The following PTPRN2 variants were observed in gnomAD, a reference collection of about 807,000 sequenced individuals.
PTPRN2 encodes the protein receptor-type tyrosine-protein phosphatase N2.
In PTPRN2, 74 loss-of-function variants were observed where a neutral mutation model predicts 118.8. That is an observed-to-expected ratio of 0.62 (90% CI 0.52 to 0.76). The LOEUF (loss-of-function observed/expected upper bound fraction) is 0.76, where lower values mean the gene tolerates loss of function less well. Among genes scored for constraint, PTPRN2 ranks in the 30% least tolerant of loss-of-function variants. The probability of loss-of-function intolerance (pLI) is 0.00; values close to 1 mark genes in which losing one functional copy is unlikely to be tolerated. For missense variants in PTPRN2, 1,481 were observed against 1,394.4 expected (o/e 1.06, Z -0.99); for synonymous variants, 641 against 608.0 (o/e 1.05, Z -0.80).
intron 10 of PTPRN2, among the ~76,000 whole-genome samples, chr7:158,108,711 G>A (rs1563445457): frequency 6.6e-6 from 1 of 152,332 alleles, no homozygotes; most frequent in East Asian, 1.9e-4. Flanking sequence ...AGGCTGGCTG[G>A]GGTGCTTCTC....
At chr7:158,201,927 C>A (rs1826676858) in intron 4 of PTPRN2, among the ~76,000 whole-genome samples, 1 of 152,182 alleles carries the variant, frequency 6.6e-6, no homozygotes, top group Non-Finnish European at 1.5e-5. Context: ...GTTCTCAGGG[C>A]CTCCTGAGGG....
intron 1 of PTPRN2, among the ~76,000 whole-genome samples, chr7:158,507,805 A>C (rs1476699339): frequency 6.8e-6 from 1 of 147,188 alleles, no homozygotes; most frequent in Non-Finnish European, 1.5e-5. Context: ...CAGCCTCTGC[A>C]ACAGGCAGTG....
intron 11 of PTPRN2, among the ~76,000 whole-genome samples, chr7:158,051,658 G>A (rs1320612435): frequency 1.3e-5 from 2 of 152,234 alleles, no homozygotes; most frequent in Non-Finnish European, 2.9e-5. Context: ...TTTTGGTGAC[G>A]TTCAGCACTG....
intron 2 of PTPRN2, among the ~76,000 whole-genome samples, chr7:158,450,475 G>A (rs1818022913): frequency 6.6e-6 from 1 of 152,208 alleles, no homozygotes; most frequent in Non-Finnish European, 1.5e-5. Context: ...ACAATATTAA[G>A]TGAATATTCA....
In PTPRN2 at chr7:158,136,709, C is replaced by T; in HGVS notation, c.1133-14G>A. ...GCACTCCGTCATCTGTAAAAGACACCAGTGTTACCAAGACCCTCATCAAGA... is the reference window on the plus strand; with the variant it reads ...GCACTCCGTCATCTGTAAAAGACACTAGTGTTACCAAGACCCTCATCAAGA... On this transcript the variant is annotated splice_polypyrimidine_tract_variant and intron_variant, in intron 7 of 22. Transcript: ENST00000389418. The T allele has an allele frequency of 6.2e-7, 1 of 1,613,354 alleles. No individual in the cohort carries two copies. The highest frequency in any genetic ancestry group is 2.2e-5 in the East Asian group (1 of 44,870).
At chr7:158,307,681 C>A (rs191678318) in intron 3 of PTPRN2, among the ~76,000 whole-genome samples, 9 of 152,226 alleles carry the variant, frequency 5.9e-5, no homozygotes, top group Admixed American at 5.9e-4. Context: ...CTAATGAAAG[C>A]AGTAAGAGAG....
At chr7:158,533,415 C>T (rs1046199536) in intron 1 of PTPRN2, among the ~76,000 whole-genome samples, 1 of 152,238 alleles carries the variant, frequency 6.6e-6, no homozygotes, top group African/African-American at 2.4e-5. Context: ...AAATCCCAGA[C>T]ACAAACCATC....
chr7:158,305,414 G>A (rs1801206196), intron 3 of PTPRN2, among the ~76,000 whole-genome samples: 2 of 152,168 alleles, frequency 1.3e-5, no homozygotes, highest in Non-Finnish European at 2.9e-5. Context: ...CAGTGGTGGA[G>A]GGAGGTGGAG....
chr7:157,656,844 CCACACACA>C (rs746304890), intron 13 of PTPRN2, among the ~76,000 whole-genome samples: 7 of 123,136 alleles, frequency 5.7e-5, no homozygotes, highest in African/African-American at 1.1e-4. Flanking sequence ...CACACACACA[CCACACACA>C]CACACACATC....
intron 11 of PTPRN2, among the ~76,000 whole-genome samples, chr7:157,973,910 C>T (rs1802534554): frequency 6.6e-6 from 1 of 152,190 alleles, no homozygotes; most frequent in Non-Finnish European, 1.5e-5. Context: ...CGCTGTCCTC[C>T]TTCTGTTGGG....
intron 11 of PTPRN2, among the ~76,000 whole-genome samples, chr7:158,080,246 T>G (rs560036900): frequency 4.4e-5 from 6 of 137,006 alleles, no homozygotes; most frequent in African/African-American, 1.4e-4. Flanking sequence ...AACTAAGTAT[T>G]GAAATCCCGA....
chr7:157,709,240 C>A (rs1798479620), intron 12 of PTPRN2, among the ~76,000 whole-genome samples: 2 of 152,230 alleles, frequency 1.3e-5, no homozygotes, highest in Non-Finnish European at 2.9e-5. Flanking sequence ...CCATACGTGC[C>A]ACAGATCAAT....
chr7:157,629,214 T>C lies in PTPRN2; in HGVS notation c.2197-7705A>G, dbSNP rs1385252827. Reference sequence around the variant, plus strand: ...GGGATCCTGGGTCAGCCAATGCTGATTCACCTGTTCCTGCAGACCCTGCTG... The same window carrying C: ...GGGATCCTGGGTCAGCCAATGCTGACTCACCTGTTCCTGCAGACCCTGCTG... On this transcript the variant is annotated intron_variant, in intron 14 of 22. Transcript: ENST00000389418. This position sits in a 1 kb window ranked among gnomAD's most constrained non-coding sequence, Gnocchi z 4.4. Among the ~76,000 whole-genome samples the C allele has an allele frequency of 6.6e-6, 1 of 152,084 alleles. No individual in the cohort carries two copies. The highest frequency in any genetic ancestry group is 2.4e-5 in the African/African-American group (1 of 41,424).
chr7:158,293,402 C>A (rs1245389974), intron 3 of PTPRN2, among the ~76,000 whole-genome samples: 2 of 151,838 alleles, frequency 1.3e-5, no homozygotes, highest in Non-Finnish European at 2.9e-5. Context: ...ATGGTTAAAC[C>A]CCGTCTCTAC....
Position 157,903,041 on chromosome 7 carries a change from C to A in PTPRN2, c.1724-4304G>T, listed in dbSNP as rs1279449505. ...AAAGGACACAATTTGGGGCCACCAT[C>A]CTAAGCAAATTAACGCAAAAGCAGA... is the stretch of plus-strand genomic sequence containing the variant. On this transcript the variant is annotated intron_variant, in intron 11 of 22. Transcript: ENST00000389418. This position sits in a 1 kb window ranked among gnomAD's most constrained non-coding sequence, Gnocchi z 4.2. Among the ~76,000 whole-genome samples, 2 of 152,144 alleles carry A rather than the reference C, an allele frequency of 1.3e-5. No individual in the cohort carries two copies. The highest frequency in any genetic ancestry group is 4.8e-5 in the African/African-American group (2 of 41,430).
At chr7:157,716,259 G>A (rs78566714) in intron 12 of PTPRN2, among the ~76,000 whole-genome samples, 38,085 of 100,022 alleles carry the variant, frequency 0.38, 11,348 homozygotes, top group African/African-American at 0.56. Context: ...AAGACTCTGC[G>A]GGAACACTGC....
intron 11 of PTPRN2, among the ~76,000 whole-genome samples, chr7:157,958,624 T>C (rs1230828053): frequency 2.0e-5 from 3 of 152,048 alleles, no homozygotes; most frequent in Admixed American, 2.0e-4. Flanking sequence ...AAATAAACAA[T>C]GCCAAAAGGA....
intron 6 of PTPRN2, among the ~76,000 whole-genome samples, chr7:158,144,265 A>G (rs1819670374): frequency 6.6e-6 from 1 of 152,334 alleles, no homozygotes; most frequent in Admixed American, 6.5e-5. Context: ...CAAGGTTTAT[A>G]AAAATGATGT....
intron 2 of PTPRN2, among the ~76,000 whole-genome samples, chr7:158,385,990 CCT>C (rs1310680733): frequency 1.3e-4 from 19 of 143,034 alleles, no homozygotes; most frequent in African/African-American, 3.4e-4. Context: ...CCTCCCATGC[CCT>C]GAGTCCCTCC....
Sources: gnomAD v4.1 joint callset for allele counts (sites outside exome capture counted in the v4.1 genomes callset) on GRCh38, gnomAD v4.1.1 for gene constraint, Gnocchi (gnomAD v3.1) non-coding constraint, MANE v1.5 for transcripts, NCBI Gene and HGNC (gene_info 2026-07-23, HGNC 2026-07-21) for gene names.